Variants in NEGR1 observed in about 807,000 individuals in gnomAD.
NEGR1 encodes the protein neuronal growth regulator 1, also known as IgLON family member 4.
NEGR1 carries 10 observed loss-of-function variants against 40.9 expected under a neutral mutation model. The observed-to-expected ratio is 0.24, with a 90% CI of 0.15 to 0.42. The LOEUF is 0.42. Ranked by LOEUF, NEGR1 falls within the 10% of genes least tolerant of loss-of-function variation. NEGR1 has a pLI of 1.00. For missense variants in NEGR1, 352 were observed against 438.9 expected, an observed-to-expected ratio of 0.80 and a Z score of 1.77; for synonymous variants, 185 against 166.8, an observed-to-expected ratio of 1.11 and a Z score of -0.84.
intron 1 of NEGR1, among the ~76,000 whole-genome samples, chr1:71,971,721 C>T: frequency 6.6e-6 from 1 of 152,108 alleles, no homozygotes; most frequent in East Asian, 1.9e-4. Context: ...AAATATTTGC[C>T]TTTATGGCCA....
intron 2 of NEGR1, among the ~76,000 whole-genome samples, chr1:71,779,559 A>AT (rs1371772947): frequency 9.5e-6 from 1 of 105,096 alleles, no homozygotes; most frequent in Non-Finnish European, 2.0e-5. Flanking sequence ...TTTATAATAG[A>AT]TAAAAACTTT....
At chr1:71,672,184 C>G (rs184608114) in intron 4 of NEGR1, among the ~76,000 whole-genome samples, 3 of 152,038 alleles carry the variant, frequency 2.0e-5, no homozygotes, top group Admixed American at 6.6e-5. Context: ...GGATTTAATA[C>G]CTTGCTGTTG....
At position 72,199,269 on chromosome 1, in the gene NEGR1, G is replaced by T. The variant is rs571416609; in HGVS notation, c.176+83050C>A. On this transcript the variant is annotated intron_variant, in intron 1 of 6. Transcript: ENST00000357731. ...CATGTATACTGCGCTACTCTGGGGG[G>T]GGTGCCATGCACATTGCTGTGCCAG... 7.5e-3 allele frequency among the ~76,000 whole-genome samples: 1,143 copies of T among 151,798 alleles called. 16 individuals are homozygous for T. The highest frequency in any genetic ancestry group is 0.027 in the African/African-American group (1,101 of 41,428).
chr1:71,464,659 A>C (rs767883207), intron 6 of NEGR1, among the ~76,000 whole-genome samples: 31 of 152,082 alleles, frequency 2.0e-4, no homozygotes, highest in Admixed American at 1.5e-3. Flanking sequence ...ATATCAATTA[A>C]AGAGGTTTCC....
chr1:71,691,517 T>G (rs1274674975), intron 4 of NEGR1, among the ~76,000 whole-genome samples: 1 of 151,894 alleles, frequency 6.6e-6, no homozygotes, highest in African/African-American at 2.4e-5. Flanking sequence ...TTTAATCTCT[T>G]CTCTTACTCT....
At chr1:71,871,412 A>T (rs1204200066) in intron 2 of NEGR1, among the ~76,000 whole-genome samples, 1 of 152,056 alleles carries the variant, frequency 6.6e-6, no homozygotes, top group Non-Finnish European at 1.5e-5. Context: ...TTGTCAGGTC[A>T]CCTCTTATCA....
chr1:71,537,560 C>T (rs1303620744), intron 6 of NEGR1, among the ~76,000 whole-genome samples: 2 of 151,668 alleles, frequency 1.3e-5, no homozygotes, highest in African/African-American at 4.8e-5. Context: ...AGAGTTTACA[C>T]ACAATTTTCC....
intron 4 of NEGR1, among the ~76,000 whole-genome samples, chr1:71,666,804 T>C (rs1292469121): frequency 6.6e-6 from 1 of 152,278 alleles, no homozygotes; most frequent in Non-Finnish European, 1.5e-5. Context: ...AAGTATAATT[T>C]TGAATGATTT....
intron 1 of NEGR1, among the ~76,000 whole-genome samples, chr1:71,966,339 T>G (rs990750994): frequency 6.6e-6 from 1 of 152,236 alleles, no homozygotes; most frequent in South Asian, 2.1e-4. Context: ...AAAGCATCAA[T>G]TTTATTTTAA....
intron 6 of NEGR1, among the ~76,000 whole-genome samples, chr1:71,437,659 G>A (rs1646518680): frequency 6.6e-6 from 1 of 152,072 alleles, no homozygotes; most frequent in Non-Finnish European, 1.5e-5. Context: ...TCTTTACTTG[G>A]AAAAATGTGA....
intron 1 of NEGR1, among the ~76,000 whole-genome samples, chr1:71,935,859 A>G (rs1172275502): frequency 6.6e-6 from 1 of 152,002 alleles, no homozygotes; most frequent in African/African-American, 2.4e-5. Flanking sequence ...AATGCGGTGG[A>G]AAAATCTTGG....
intron 4 of NEGR1, among the ~76,000 whole-genome samples, chr1:71,665,041 G>T (rs182604411): frequency 1.3e-5 from 2 of 152,030 alleles, no homozygotes; most frequent in South Asian, 2.1e-4. Context: ...GTCAGCAAAA[G>T]AAAATTTAAT....
At chr1:72,260,096 C>G (rs975272528) in intron 1 of NEGR1, among the ~76,000 whole-genome samples, 1 of 152,008 alleles carries the variant, frequency 6.6e-6, no homozygotes, top group Non-Finnish European at 1.5e-5. Context: ...TAGAGTAACC[C>G]TAAGAAGTAT....
intron 1 of NEGR1, among the ~76,000 whole-genome samples, chr1:72,034,533 A>G (rs1646885906): frequency 1.3e-5 from 2 of 152,182 alleles, no homozygotes; most frequent in Admixed American, 6.5e-5. Flanking sequence ...ATTTTGTGAT[A>G]ATATAGTAAA....
At position 72,001,839 on chromosome 1, in the gene NEGR1, T is replaced by C. The variant is rs1028548153; in HGVS notation, c.177-66528A>G. On this transcript the variant is annotated intron_variant, in intron 1 of 6. Transcript: ENST00000357731. ...TAGAGGCTACCCTAAAATAAGTACA[T>C]GTATACTCTTGATTCACTTAAGAGT... Among the ~76,000 whole-genome samples, 5 of 151,946 alleles carry C rather than the reference T, an allele frequency of 3.3e-5. No homozygotes were observed. In the South Asian group the frequency reaches 1.0e-3, roughly 31 times the overall value.
intron 6 of NEGR1, among the ~76,000 whole-genome samples, chr1:71,591,142 A>G (rs1649484634): frequency 6.6e-6 from 1 of 152,164 alleles, no homozygotes; most frequent in Non-Finnish European, 1.5e-5. Context: ...TCATAATTAC[A>G]GACAAGATTT....
At chr1:71,881,107 T>G (rs1660571859) in intron 2 of NEGR1, among the ~76,000 whole-genome samples, 1 of 152,022 alleles carries the variant, frequency 6.6e-6, no homozygotes, top group Non-Finnish European at 1.5e-5. Flanking sequence ...AAAGTTGTGT[T>G]CAGTCAAAAT....
At chr1:71,784,750 G>T (rs1656849655) in intron 2 of NEGR1, among the ~76,000 whole-genome samples, 1 of 152,182 alleles carries the variant, frequency 6.6e-6, no homozygotes, top group South Asian at 2.1e-4. Flanking sequence ...TTGCCAGTTA[G>T]ATTTTCAGTA....
chr1:71,931,119 A>G (rs1182001445), intron 2 of NEGR1, among the ~76,000 whole-genome samples: 2 of 152,180 alleles, frequency 1.3e-5, no homozygotes, highest in African/African-American at 2.4e-5. Context: ...CAAATACTCT[A>G]GGTGAGTTAT....
Sources: allele counts gnomAD v4.1 joint callset (sites outside exome capture counted in the v4.1 genomes callset), GRCh38; gene constraint gnomAD v4.1.1; transcripts MANE v1.5; gene names NCBI Gene and HGNC (gene_info 2026-07-23, HGNC 2026-07-21).